The following KIAA0319 variants were observed in gnomAD, a reference collection of about 807,000 sequenced individuals.
KIAA0319 encodes dyslexia-associated protein KIAA0319.
In KIAA0319, 83 loss-of-function variants were observed where a neutral mutation model predicts 108.4. The ratio of observed to expected loss-of-function variants is 0.77; its 90% CI spans 0.64 to 0.92. The LOEUF is 0.92. KIAA0319 is among the 40% of genes least tolerant of loss of function. The pLI is 0.00. For synonymous variants in KIAA0319, 484 were observed against 510.4 expected (o/e 0.95, Z 0.70); for missense variants, 1,195 against 1,322.4 (o/e 0.90, Z 1.49).
At chr6:24,570,310 C>T (rs1764522437) in intron 11 of KIAA0319, among the ~76,000 whole-genome samples, 1 of 152,156 alleles carries the variant, frequency 6.6e-6, no homozygotes, top group Admixed American at 6.5e-5. Context: ...CCTCAGTCGG[C>T]CGGGCACAGT....
chr6:24,593,696 C>G (rs62400527), intron 3 of KIAA0319, among the ~76,000 whole-genome samples: 1 of 151,542 alleles, frequency 6.6e-6, no homozygotes, highest in Non-Finnish European at 1.5e-5. Context: ...ACACTGCTCC[C>G]GGCCCTGAAT....
At chr6:24,615,050 GAATA>G (rs1438285964) in intron 1 of KIAA0319, among the ~76,000 whole-genome samples, 1 of 152,062 alleles carries the variant, frequency 6.6e-6, no homozygotes, top group Non-Finnish European at 1.5e-5. Flanking sequence ...TAAATCTCCT[GAATA>G]ATTAAAAGTG....
At position 24,546,048 on chromosome 6, in the gene KIAA0319, T is replaced by C. The variant is rs1760582449; in HGVS notation, c.*1117A>G. On this transcript the variant is annotated 3_prime_UTR_variant, in exon 21 of 21. Transcript: ENST00000378214. The stretch of plus-strand genomic sequence containing the variant: ...GCTACAATTAACTCCAGTTAATTGC[T>C]CGGGAGTACTGCTTTGTGGGTGGGA... 6.6e-6 allele frequency: 1 copy of C among 152,228 alleles called. No individual in the cohort carries two copies. Among genetic ancestry groups the C allele is most frequent in the Non-Finnish European group, 1.5e-5 (1 of 68,046 alleles). 9.4% of individuals were successfully genotyped at this position (152,228 alleles called of 1,614,324 possible).
intron 1 of KIAA0319, among the ~76,000 whole-genome samples, chr6:24,624,203 G>GTTTTTT (rs35622777): frequency 1.1e-5 from 1 of 92,830 alleles, no homozygotes; most frequent in Non-Finnish European, 2.0e-5. Context: ...TTTTGGGGTT[G>GTTTTTT]TTTTTTTTTT....
intron 1 of KIAA0319, among the ~76,000 whole-genome samples, chr6:24,622,768 G>A (rs1407409167): frequency 6.6e-6 from 1 of 152,174 alleles, no homozygotes; most frequent in East Asian, 1.9e-4. Flanking sequence ...TAATGGCTGG[G>A]CACGGTGGTT....
intron 10 of KIAA0319, among the ~76,000 whole-genome samples, chr6:24,573,943 C>T (rs973676057): frequency 1.5e-4 from 23 of 151,686 alleles, no homozygotes; most frequent in Non-Finnish European, 2.5e-4. Context: ...GGTGAAACCC[C>T]GTCTCTACTA....
At chr6:24,618,492 T>C (rs892177799) in intron 1 of KIAA0319, among the ~76,000 whole-genome samples, 11 of 151,908 alleles carry the variant, frequency 7.2e-5, no homozygotes, top group African/African-American at 2.7e-4. Flanking sequence ...TGTGCACTTG[T>C]AGTCCCTGCT....
intron 1 of KIAA0319, among the ~76,000 whole-genome samples, chr6:24,602,391 C>A (rs1562043962): frequency 7.3e-6 from 1 of 137,614 alleles, no homozygotes; most frequent in South Asian, 2.3e-4. Flanking sequence ...TGCAGATGGC[C>A]ACATGCCAGG....
At chr6:24,568,335 A>G (rs145680813) in intron 13 of KIAA0319, among the ~76,000 whole-genome samples, 7 of 152,368 alleles carry the variant, frequency 4.6e-5, no homozygotes, top group Admixed American at 3.9e-4. Flanking sequence ...AAGCAAAGAC[A>G]CTCAGGCAGT....
chr6:24,639,775 G>A (rs1776678792), intron 1 of KIAA0319, among the ~76,000 whole-genome samples: 2 of 151,268 alleles, frequency 1.3e-5, no homozygotes, highest in South Asian at 4.2e-4. Context: ...TTAAACCTGG[G>A]AGGCGGAGTT....
At chr6:24,623,690 A>G (rs768840215) in intron 1 of KIAA0319, among the ~76,000 whole-genome samples, 25 of 152,332 alleles carry the variant, frequency 1.6e-4, no homozygotes, top group Non-Finnish European at 2.9e-4. Context: ...TACAGTTAGA[A>G]GGAATAAGTT....
intron 8 of KIAA0319, among the ~76,000 whole-genome samples, chr6:24,579,431 A>ATATATATATATATC: frequency 7.4e-6 from 1 of 134,714 alleles, no homozygotes; most frequent in African/African-American, 2.9e-5. Flanking sequence ...ATATATATAT[A>ATATATATATATATC]TCTTATATAT....
At position 24,566,729 on chromosome 6, in the gene KIAA0319, T is replaced by C; in HGVS notation, c.2160A>G (p.Arg720=). 1 of 1,609,922 alleles carries C rather than the reference T, an allele frequency of 6.2e-7. No homozygotes were observed. Among genetic ancestry groups the C allele is most frequent in the Non-Finnish European group, 8.5e-7 (1 of 1,178,754 alleles). ...GAACATGTCTGCCACCAGCCCGGGC[T>C]CTGGGAGGACTATTATTTTCTAAGT... The part of the protein sequence containing the change: ...AVKKENNSPP[R]ARAGGRHVLV... The change falls in exon 14 of 21, where the codon AGA becomes AGG. Residue 720 remains arginine, a synonymous_variant. Coordinates refer to ENST00000378214, the MANE Select transcript of KIAA0319 (RefSeq NM_014809.4).
At position 24,546,997 on chromosome 6, in the gene KIAA0319, T is replaced by C; in HGVS notation, c.*168A>G. On this transcript the variant is annotated 3_prime_UTR_variant, in exon 21 of 21. Transcript: ENST00000378214. Reference sequence around the variant, plus strand: ...GCATCTCAGTTAAAAGAGCAAAGTTTTTGTTTTGTGCCTTCAAAAACCGGT... The same window carrying C: ...GCATCTCAGTTAAAAGAGCAAAGTTCTTGTTTTGTGCCTTCAAAAACCGGT... The C allele has an allele frequency of 3.1e-6, 2 of 639,140 alleles. No individual in the cohort carries two copies. The highest frequency in any genetic ancestry group is 5.4e-6 in the Non-Finnish European group (2 of 371,946). 39.6% of individuals were successfully genotyped at this position (639,140 alleles called of 1,614,324 possible).
At chr6:24,568,657 G>T (rs771229814) in intron 13 of KIAA0319, 124 bp downstream of exon 13, 1 of 969,462 alleles carries the variant, frequency 1.0e-6, no homozygotes, top group Non-Finnish European at 1.5e-6. Flanking sequence ...GCCAGGCAGG[G>T]TTCGGCATCT....
chr6:24,624,825 T>C (rs1162649119), intron 1 of KIAA0319, among the ~76,000 whole-genome samples: 1 of 152,250 alleles, frequency 6.6e-6, no homozygotes, highest in Non-Finnish European at 1.5e-5. Flanking sequence ...TCCTTCTACA[T>C]GCAATGTAAT....
At chr6:24,582,490 TTA>T (rs1301187867) in intron 5 of KIAA0319, 144 bp from the exon 6 acceptor site, 1 of 354,322 alleles carries the variant, frequency 2.8e-6, no homozygotes, top group Non-Finnish European at 5.2e-6. Flanking sequence ...TTTTTTTAAC[TTA>T]TATATATATT....
chr6:24,606,137 A>G (rs1422936456), intron 1 of KIAA0319, among the ~76,000 whole-genome samples: 1 of 152,132 alleles, frequency 6.6e-6, no homozygotes, highest in Non-Finnish European at 1.5e-5. Context: ...GGATTTCACC[A>G]TGTTGACCAG....
intron 2 of KIAA0319, chr6:24,598,188 A>G: frequency 2.1e-6 from 1 of 473,152 alleles, no homozygotes; most frequent in Non-Finnish European, 4.0e-6. Context: ...GTCTGGGTGG[A>G]GGCTATGGCG....
Sources: allele counts gnomAD v4.1 joint callset (sites outside exome capture counted in the v4.1 genomes callset), GRCh38; gene constraint gnomAD v4.1.1; transcripts MANE v1.5; gene names NCBI Gene and HGNC (gene_info 2026-07-23, HGNC 2026-07-21).